Variants in ITPK1 observed in about 807,000 individuals in gnomAD.
The protein encoded by ITPK1 is inositol 1,3,4-trisphosphate 5/6-kinase.
In ITPK1, 21 loss-of-function variants were observed where a neutral mutation model predicts 45.3. That is an observed-to-expected ratio of 0.46 (90% CI 0.33 to 0.67). The LOEUF is 0.67. Ranked by LOEUF, ITPK1 falls within the 30% of genes least tolerant of loss-of-function variation. ITPK1 has a pLI of 0.02. For synonymous variants in ITPK1, 258 were observed against 253.6 expected (o/e 1.02, Z -0.16); for missense variants, 474 against 573.5 (o/e 0.83, Z 1.77).
chr14:92,939,640 T>C lies in ITPK1; in HGVS notation c.*1921A>G. ...CTATGGACGCCACCACGACACCACATGGCAGTTACTCGGTATCTGGGCCCT... is the reference window on the plus strand; with the variant it reads ...CTATGGACGCCACCACGACACCACACGGCAGTTACTCGGTATCTGGGCCCT... On this transcript the variant is annotated 3_prime_UTR_variant, in exon 11 of 11. Transcript: ENST00000267615. 3.9e-6 allele frequency: 2 copies of C among 508,038 alleles called. No individual in the cohort carries two copies. The highest frequency in any genetic ancestry group is 9.8e-4 in the Middle Eastern group (1 of 1,018). 31.5% of individuals were successfully genotyped at this position (508,038 alleles called of 1,614,324 possible).
chr14:92,992,851 G>A (rs1886856666), intron 5 of ITPK1, among the ~76,000 whole-genome samples: 1 of 152,246 alleles, frequency 6.6e-6, no homozygotes, highest in Non-Finnish European at 1.5e-5. Context: ...GGATTCATCT[G>A]TAAAATGGGA....
At chr14:93,114,291 G>C (rs1039340580) in intron 2 of ITPK1, among the ~76,000 whole-genome samples, 5 of 152,204 alleles carry the variant, frequency 3.3e-5, no homozygotes, top group Non-Finnish European at 4.4e-5. Context: ...GTTAAACACC[G>C]GAGACTCCGC....
At chr14:93,035,725 G>A (rs545146396) in intron 3 of ITPK1, among the ~76,000 whole-genome samples, 1 of 152,340 alleles carries the variant, frequency 6.6e-6, no homozygotes, top group East Asian at 1.9e-4. Flanking sequence ...TCCAGGGCCT[G>A]GTGCCCGACA....
At chr14:93,009,695 T>C (rs2139841418) in intron 4 of ITPK1, among the ~76,000 whole-genome samples, 1 of 152,256 alleles carries the variant, frequency 6.6e-6, no homozygotes, top group Non-Finnish European at 1.5e-5. Flanking sequence ...CAGGACATGA[T>C]CTGTTTCTCT....
At position 92,940,768 on chromosome 14, in the gene ITPK1, A is replaced by G; in HGVS notation, c.*793T>C. Reference sequence around the variant, plus strand: ...AATGATTTGCCCAAATCACAGCACAAATCCTCAGCACAGGCGCCATCGGCT... The same window carrying G: ...AATGATTTGCCCAAATCACAGCACAGATCCTCAGCACAGGCGCCATCGGCT... On this transcript the variant is annotated 3_prime_UTR_variant, in exon 11 of 11. Transcript: ENST00000267615. 1.6e-6 allele frequency: 2 copies of G among 1,289,166 alleles called. No individual in the cohort carries two copies. The highest frequency in any genetic ancestry group is 1.0e-6 in the Non-Finnish European group (1 of 988,738). 79.9% of individuals were successfully genotyped at this position (1,289,166 alleles called of 1,614,324 possible).
chr14:93,102,676 G>C (rs1566787372), intron 2 of ITPK1, among the ~76,000 whole-genome samples: 1 of 152,042 alleles, frequency 6.6e-6, no homozygotes, highest in Non-Finnish European at 1.5e-5. Flanking sequence ...AAATAGGCTG[G>C]CTAGGCACAG....
chr14:93,071,468 C>T (rs1441584577), intron 3 of ITPK1: 1 of 152,232 alleles, frequency 6.6e-6, no homozygotes, highest in Non-Finnish European at 1.5e-5. Flanking sequence ...ATGTTTAAAA[C>T]TACATATCTA....
In ITPK1 at chr14:92,941,148, C is replaced by T; in HGVS notation, c.*413G>A. 2.5e-6 allele frequency: 3 copies of T among 1,205,310 alleles called. No individual in the cohort carries two copies. Among genetic ancestry groups the T allele is most frequent in the Non-Finnish European group, 3.1e-6 (3 of 956,396 alleles). The allele number at this position is 1,205,310 out of a possible 1,614,324, so 74.7% of individuals were successfully genotyped here. ...AGCCACTCTCACATGCACCGATCAG[C>T]CTCCCACAGCCCGACATGGGCAGGC... On this transcript the variant is annotated 3_prime_UTR_variant, in exon 11 of 11. Transcript: ENST00000267615.
chr14:92,983,030 G>A (rs976913222), intron 5 of ITPK1, among the ~76,000 whole-genome samples: 1 of 152,252 alleles, frequency 6.6e-6, no homozygotes, highest in African/African-American at 2.4e-5. Context: ...ACGGGCAGGG[G>A]AAGAGCAGGT....
At chr14:93,009,257 G>A (rs973200167) in intron 4 of ITPK1, among the ~76,000 whole-genome samples, 1 of 152,192 alleles carries the variant, frequency 6.6e-6, no homozygotes, top group African/African-American at 2.4e-5. Flanking sequence ...AAACTTTGGG[G>A]AAAATGTATT....
chr14:92,962,684 G>C (rs1885138196), intron 6 of ITPK1, 67 bp downstream of exon 6: 1 of 1,225,782 alleles, frequency 8.2e-7, no homozygotes, highest in Non-Finnish European at 1.2e-6. Context: ...TATAAACCCA[G>C]CCCCTCCCCT....
chr14:93,039,928 GC>G (rs1306903322), intron 3 of ITPK1, among the ~76,000 whole-genome samples: 1 of 152,190 alleles, frequency 6.6e-6, no homozygotes, highest in African/African-American at 2.4e-5. Flanking sequence ...TCCCCACAGG[GC>G]CTCCTCCAGA....
rs187327002 is a variant in ITPK1 at position 93,011,720 on chromosome 14, C to G, written c.246+4956G>C. ...GCTGAGGATGGGCACAACACTGAGC[C>G]TGGGGCCATGAGCTCCTTCTTCAAC... On this transcript the variant is annotated intron_variant, in intron 4 of 10. Coordinates refer to ENST00000267615, the MANE Select transcript of ITPK1 (RefSeq NM_014216.6). 3.3e-5 allele frequency among the ~76,000 whole-genome samples: 5 copies of G among 152,246 alleles called. No individual in the cohort carries two copies. The East Asian group carries it at 9.7e-4, about 29-fold the overall frequency.
intron 3 of ITPK1, among the ~76,000 whole-genome samples, chr14:93,060,247 C>G (rs971030370): frequency 6.6e-5 from 10 of 152,204 alleles, no homozygotes; most frequent in African/African-American, 2.4e-4. Context: ...CACCAGCCCC[C>G]GCTGCTCCCT....
chr14:93,076,140 C>T lies in ITPK1; in HGVS notation c.120+455G>A, dbSNP rs190018533. ...CTCCATCTGTCCACCTTTCCCCTCC[C>T]TCCAAGATCCTTCCTTCCCCCTCCA... On this transcript the variant is annotated intron_variant, in intron 3 of 10. Coordinates refer to ENST00000267615, the MANE Select transcript of ITPK1 (RefSeq NM_014216.6). This position sits in a 1 kb window ranked among gnomAD's most constrained non-coding sequence, Gnocchi z 4.3. Among the ~76,000 whole-genome samples the T allele has an allele frequency of 1.3e-4, 19 of 151,598 alleles. No homozygotes were observed. Among genetic ancestry groups the T allele is most frequent in the Admixed American group, 1.1e-3 (17 of 15,238 alleles).
intron 2 of ITPK1, among the ~76,000 whole-genome samples, chr14:93,091,941 C>T (rs1298791739): frequency 6.6e-6 from 1 of 152,222 alleles, no homozygotes; most frequent in Admixed American, 6.5e-5. Context: ...CTGCTCGGCC[C>T]TCTTCAGGAC....
intron 4 of ITPK1, among the ~76,000 whole-genome samples, chr14:93,009,446 C>T (rs1436042304): frequency 6.6e-6 from 1 of 152,172 alleles, no homozygotes; most frequent in African/African-American, 2.4e-5. Flanking sequence ...AGCTCTGTTC[C>T]TGGTTGGTAA....
chr14:93,096,177 A>C (rs1419472339), intron 2 of ITPK1, among the ~76,000 whole-genome samples: 1 of 152,022 alleles, frequency 6.6e-6, no homozygotes, highest in African/African-American at 2.4e-5. Flanking sequence ...GGGCCTCTGC[A>C]CTTGCTAAAC....
chr14:93,008,757 C>T (rs1887744513), intron 4 of ITPK1, among the ~76,000 whole-genome samples: 2 of 152,232 alleles, frequency 1.3e-5, no homozygotes, highest in African/African-American at 2.4e-5. Flanking sequence ...CACAGAAACA[C>T]GTTGGGAAGT....
Sources: gnomAD v4.1 joint callset for allele counts (sites outside exome capture counted in the v4.1 genomes callset) on GRCh38, gnomAD v4.1.1 for gene constraint, Gnocchi (gnomAD v3.1) non-coding constraint, MANE v1.5 for transcripts, NCBI Gene and HGNC (gene_info 2026-07-23, HGNC 2026-07-21) for gene names.